SARM1: variants seen among roughly 807,000 people sequenced by gnomAD.
The protein encoded by SARM1 is sterile alpha and TIR motif containing 1.
Under a neutral mutation model 65.1 loss-of-function variants are expected in SARM1, and 60 were observed. The observed-to-expected ratio is 0.92, with a 90% CI of 0.75 to 1.14. The LOEUF (loss-of-function observed/expected upper bound fraction) is 1.14. SARM1 is among the 50% of genes most tolerant of loss of function. The pLI is 0.00. For missense variants in SARM1, 913 were observed against 1,015.7 expected (o/e 0.90, Z 1.37); for synonymous variants, 417 against 465.4 (o/e 0.90, Z 1.34).
intron 1 of SARM1, among the ~76,000 whole-genome samples, chr17:28,379,459 C>T (rs575452311): frequency 1.4e-4 from 22 of 151,786 alleles, no homozygotes; most frequent in Admixed American, 4.6e-4. Flanking sequence ...TACAGGCACC[C>T]GCCACCACGC....
chr17:28,386,606 A>T (rs906178249), intron 5 of SARM1: 19 of 152,212 alleles, frequency 1.2e-4, no homozygotes, highest in Non-Finnish European at 2.1e-4. Flanking sequence ...CCTTTCATTC[A>T]GCAATTACAG....
In SARM1 at chr17:28,400,561, T is replaced by C; in HGVS notation, c.*4275T>C. The C allele has an allele frequency of 6.2e-7, 1 of 1,604,954 alleles. No individual in the cohort carries two copies. The highest frequency in any genetic ancestry group is 8.5e-7 in the Non-Finnish European group (1 of 1,175,084). ...TGGTTGGGAGGAGAAGAGGAAACTTTTAAGAGAAAGGGCTCCATTATGAGC... is the reference window on the plus strand; with the variant it reads ...TGGTTGGGAGGAGAAGAGGAAACTTCTAAGAGAAAGGGCTCCATTATGAGC... On this transcript the variant is annotated 3_prime_UTR_variant, in exon 9 of 9. Transcript: ENST00000585482.
chr17:28,384,931 G>T lies in SARM1; in HGVS notation c.1394+1G>T. The T allele has an allele frequency of 6.4e-7, 1 of 1,569,496 alleles. No homozygotes were observed. ...TGAAATCGGGCATCACCCGCAAGAGGTACGGAGCCTCCTGCCCGCCGGACC... is the reference window on the plus strand; with the variant it reads ...TGAAATCGGGCATCACCCGCAAGAGTTACGGAGCCTCCTGCCCGCCGGACC... On this transcript the variant is annotated splice_donor_variant, in intron 4 of 8. Transcript: ENST00000585482. LOFTEE classifies it high-confidence loss of function. This position sits in a 1 kb window ranked among gnomAD's most constrained non-coding sequence, Gnocchi z 4.4.
At position 28,371,844 on chromosome 17, in the gene SARM1, G is replaced by T. The variant is rs1454828074; in HGVS notation, c.-189G>T. On this transcript the variant is annotated 5_prime_UTR_variant, in exon 1 of 9. Coordinates refer to ENST00000585482, the MANE Select transcript of SARM1 (RefSeq NM_015077.4). Reference sequence around the variant, plus strand: ...TGGGCCTGCATCACCTTTGCCAACCGCTCCCCCGATCCTGCCGACACTCCT... The same window carrying T: ...TGGGCCTGCATCACCTTTGCCAACCTCTCCCCCGATCCTGCCGACACTCCT... 4 of 457,570 alleles carry T rather than the reference G, an allele frequency of 8.7e-6. No homozygotes were observed. The highest frequency in any genetic ancestry group is 2.1e-5 in the African/African-American group (1 of 48,590). The allele number at this position is 457,570 out of a possible 1,614,324, so 28.3% of individuals were successfully genotyped here. A position where few individuals can be genotyped will look rare whatever the true frequency, so the allele number is the denominator to read the frequency against.
rs1555585902 is a variant in SARM1 at position 28,385,315 on chromosome 17, CCAGCCA to C, written c.1630+42_1630+47del. The C allele has an allele frequency of 7.0e-7, 1 of 1,428,260 alleles. No individual in the cohort carries two copies. Among genetic ancestry groups the C allele is most frequent in the South Asian group, 1.4e-5 (1 of 73,742 alleles). 88.5% of individuals were successfully genotyped at this position (1,428,260 alleles called of 1,614,324 possible). A position where few individuals can be genotyped will look rare whatever the true frequency, so the allele number is the denominator to read the frequency against. ...CCGGGACCCCGCCCCAGCCCCAGCC[CCAGCCA>C]CGGCCCTGGAATGGTGAGGGGAGAC... is the stretch of plus-strand genomic sequence containing the variant. On this transcript the variant is annotated intron_variant, in intron 5 of 8. Coordinates refer to ENST00000585482, the MANE Select transcript of SARM1 (RefSeq NM_015077.4). This position sits in a 1 kb window ranked among gnomAD's most constrained non-coding sequence, Gnocchi z 4.5.
chr17:28,399,418 C>T lies in SARM1; in HGVS notation c.*3132C>T, dbSNP rs1470288068. 1.8e-6 allele frequency: 1 copy of T among 545,712 alleles called. No homozygotes were observed. The highest frequency in any genetic ancestry group is 1.9e-5 in the African/African-American group (1 of 52,798). The allele number at this position is 545,712 out of a possible 1,614,324, so 33.8% of individuals were successfully genotyped here. A position where few individuals can be genotyped will look rare whatever the true frequency, so the allele number is the denominator to read the frequency against. ...AACTGACTCCTGTCCCAAATAGCTC[C>T]TCTGCCACCTGTCCTGCAGTGGGCC... On this transcript the variant is annotated 3_prime_UTR_variant, in exon 9 of 9. Transcript: ENST00000585482.
At chr17:28,396,059 G>A in intron 8 of SARM1, 33 bp downstream of exon 8, 1 of 1,613,632 alleles carries the variant, frequency 6.2e-7, no homozygotes, top group Middle Eastern at 1.7e-4. Flanking sequence ...CAGGGGGGTA[G>A]GGTACAAATC....
In SARM1 at chr17:28,403,746, C is replaced by T. The variant is rs1423187802; in HGVS notation, c.*7460C>T. The T allele has an allele frequency of 6.6e-6, 1 of 152,276 alleles. No individual in the cohort carries two copies. Among genetic ancestry groups the T allele is most frequent in the African/African-American group, 2.4e-5 (1 of 41,448 alleles). The allele number at this position is 152,276 out of a possible 1,614,324, so 9.4% of individuals were successfully genotyped here. ...AGTTAACTAAAGCCGGGCACGGTGG[C>T]TCATGCCTGTAATCCCAACACTTTG... is the stretch of plus-strand genomic sequence containing the variant. On this transcript the variant is annotated 3_prime_UTR_variant, in exon 9 of 9. Transcript: ENST00000585482.
chr17:28,395,981 T>G lies in SARM1; in HGVS notation c.2000T>G (p.Val667Gly), dbSNP rs781912512. The change falls in exon 8 of 9, where the codon GTC (valine) becomes GGC (glycine). Residue 667 changes from valine to glycine, a missense_variant. Around this residue, in one of 3 missense-constraint regions of SARM1, gnomAD observed 862 missense variants for 952.1 expected, o/e 0.91. Transcript: ENST00000585482. ...GGCTTCGAGTGGCCTGAGCCCCAGG[T>G]CCTGCCTGAGGACATGCAGGCTGTG... is the stretch of plus-strand genomic sequence containing the variant. The part of the protein sequence containing the change: ...IDGFEWPEPQ[V>G]LPEDMQAVLT... The G allele has an allele frequency of 6.2e-7, 1 of 1,613,906 alleles. No homozygotes were observed. Among genetic ancestry groups the G allele is most frequent in the South Asian group, 1.1e-5 (1 of 91,074 alleles).
In SARM1 at chr17:28,371,800, T is replaced by G; in HGVS notation, c.-233T>G. 2.4e-6 allele frequency: 1 copy of G among 414,670 alleles called. No individual in the cohort carries two copies. The highest frequency in any genetic ancestry group is 4.3e-6 in the Non-Finnish European group (1 of 233,440). The allele number at this position is 414,670 out of a possible 1,614,324, so 25.7% of individuals were successfully genotyped here. ...ATCCCTCGCCTGCTCGCTCTCTCCTTTCGCCCACTCCCTGCATCTGGGCCT... is the reference window on the plus strand; with the variant it reads ...ATCCCTCGCCTGCTCGCTCTCTCCTGTCGCCCACTCCCTGCATCTGGGCCT... On this transcript the variant is annotated 5_prime_UTR_variant, in exon 1 of 9. Transcript: ENST00000585482.
chr17:28,401,045 A>AC lies in SARM1; in HGVS notation c.*4759_*4760insC, dbSNP rs2142456138. 2.3e-6 allele frequency: 1 copy of AC among 438,120 alleles called. No individual in the cohort carries two copies. Among genetic ancestry groups the AC allele is most frequent in the East Asian group, 4.6e-5 (1 of 21,778 alleles). The allele number at this position is 438,120 out of a possible 1,614,324, so 27.1% of individuals were successfully genotyped here. ...AACCCAGCACATAAAAGAAAAAAAA[A>AC]GTACATGTGATATTGTCTGATGAAA... On this transcript the variant is annotated 3_prime_UTR_variant, in exon 9 of 9. Coordinates refer to ENST00000585482, the MANE Select transcript of SARM1 (RefSeq NM_015077.4).
chr17:28,372,266 G>A lies in SARM1; in HGVS notation c.234G>A (p.Ala78=). 3 of 1,392,728 alleles carry A rather than the reference G, an allele frequency of 2.2e-6. No homozygotes were observed. The highest frequency in any genetic ancestry group is 2.8e-6 in the Non-Finnish European group (3 of 1,083,926). The allele number at this position is 1,392,728 out of a possible 1,614,324, so 86.3% of individuals were successfully genotyped here. ...CGGAGCTGCAGCAGGCCTTGTCCGC[G>A]CTGAAGCAGGCGGGCGGCGCGCGGG... ...ALPELQQALS[A]LKQAGGARAV... is the part of the protein sequence containing the mutation. Residue 78 remains alanine (A), a synonymous_variant, in exon 1 of 9, where the codon GCG becomes GCA. Coordinates refer to ENST00000585482, the MANE Select transcript of SARM1 (RefSeq NM_015077.4). This position sits in a 1 kb window ranked among gnomAD's most constrained non-coding sequence, Gnocchi z 5.2.
In SARM1 at chr17:28,376,403, C is replaced by CAAAAA. The variant is rs58695374; in HGVS notation, c.470+3918_470+3922dup. On this transcript the variant is annotated intron_variant, in intron 1 of 8. Transcript: ENST00000585482. ...TAAAACTCTGTCTCTACTAAAAATA[C>CAAAAA]AAAAAAAAAAAAAAAAAAAAAGAGC... is the stretch of plus-strand genomic sequence containing the variant. Among the ~76,000 whole-genome samples the CAAAAA allele has an allele frequency of 2.5e-3, 211 of 83,976 alleles. 7 individuals are homozygous for CAAAAA. The highest frequency in any genetic ancestry group is 7.5e-3 in the African/African-American group (162 of 21,734). The allele number at this position is 83,976 out of a possible 152,430, so 55.1% of individuals were successfully genotyped here.
chr17:28,396,403 G>T lies in SARM1; in HGVS notation c.*117G>T, dbSNP rs1053281382. 4 of 1,234,438 alleles carry T rather than the reference G, an allele frequency of 3.2e-6. No individual in the cohort carries two copies. Among genetic ancestry groups the T allele is most frequent in the Non-Finnish European group, 3.4e-6 (3 of 869,932 alleles). The allele number at this position is 1,234,438 out of a possible 1,614,324, so 76.5% of individuals were successfully genotyped here. The stretch of plus-strand genomic sequence containing the variant: ...ACAACCTGGGCTCTTCTTAGGAAAT[G>T]GCTCTCCCTCCCCCTGTCCCCCACC... On this transcript the variant is annotated 3_prime_UTR_variant, in exon 9 of 9. Coordinates refer to ENST00000585482, the MANE Select transcript of SARM1 (RefSeq NM_015077.4).
At chr17:28,377,601 A>G (rs1465566491) in intron 1 of SARM1, among the ~76,000 whole-genome samples, 1 of 152,272 alleles carries the variant, frequency 6.6e-6, no homozygotes, top group Non-Finnish European at 1.5e-5. Context: ...CAGTGGACAC[A>G]AAATCACATG....
At chr17:28,376,110 T>A (rs1222079882) in intron 1 of SARM1, among the ~76,000 whole-genome samples, 1 of 151,858 alleles carries the variant, frequency 6.6e-6, no homozygotes, top group East Asian at 1.9e-4. Context: ...ATCACAAGAG[T>A]GCAGCACAGT....
intron 7 of SARM1, 87 bp downstream of exon 7, chr17:28,388,626 A>G: frequency 7.3e-7 from 1 of 1,370,388 alleles, no homozygotes. Context: ...TTGTCTGCAC[A>G]TCCCGGCACA....
At chr17:28,394,601 G>A (rs574122425) in intron 7 of SARM1, among the ~76,000 whole-genome samples, 6 of 152,330 alleles carry the variant, frequency 3.9e-5, no homozygotes, top group Admixed American at 1.3e-4. Context: ...ATGACACCCC[G>A]AGATTCAATT....
At position 28,372,309 on chromosome 17, in the gene SARM1, G is replaced by A; in HGVS notation, c.277G>A (p.Ala93Thr). ...GGARAVGAGL[A>T]EVFQLVEEAW... ...CGCGCGGGCCGTGGGCGCCGGCCTG[G>A]CCGAGGTCTTCCAACTGGTGGAGGA... The change falls in exon 1 of 9, where the codon GCC becomes ACC. Residue 93 changes from alanine (A) to threonine (T), a missense_variant. Ala to Thr is a moderately conservative substitution (Grantham distance 58, BLOSUM62 0). This residue lies in a region of SARM1 where 862 missense variants were observed against 952.1 expected (regional missense o/e 0.91). Transcript: ENST00000585482. The surrounding 1 kb of genome is among the most constrained non-coding windows in gnomAD (Gnocchi z 5.2). The A allele has an allele frequency of 6.9e-7, 1 of 1,440,332 alleles. No individual in the cohort carries two copies. The highest frequency in any genetic ancestry group is 9.0e-7 in the Non-Finnish European group (1 of 1,105,534). The allele number at this position is 1,440,332 out of a possible 1,614,324, so 89.2% of individuals were successfully genotyped here.
Sources: allele counts gnomAD v4.1 joint callset (sites outside exome capture counted in the v4.1 genomes callset), GRCh38; gene constraint gnomAD v4.1.1; regional missense constraint gnomAD v4.1.1; non-coding constraint Gnocchi (gnomAD v3.1); transcripts MANE v1.5; gene names NCBI Gene and HGNC (gene_info 2026-07-23, HGNC 2026-07-21).